The following ZPBP variants were observed in gnomAD, a reference collection of about 807,000 sequenced individuals.
ZPBP encodes zona pellucida-binding protein 1.
Under a neutral mutation model 44.8 loss-of-function variants are expected in ZPBP, and 26 were observed. The ratio of observed to expected loss-of-function variants is 0.58; its 90% CI spans 0.43 to 0.81. The LOEUF (loss-of-function observed/expected upper bound fraction) is 0.81. ZPBP is among the 30% of genes least tolerant of loss of function. ZPBP has a pLI of 0.00. For synonymous variants in ZPBP, 174 were observed against 153.2 expected (o/e 1.14, Z -1.00); for missense variants, 409 against 434.0 (o/e 0.94, Z 0.51).
chr7:49,847,351 A>G (rs1789981208), downstream of ZPBP, among the ~76,000 whole-genome samples: 1 of 152,026 alleles, frequency 6.6e-6, no homozygotes, highest in South Asian at 2.1e-4. Flanking sequence ...AATTGGCATA[A>G]TAGTGTTATC....
intron 1 of ZPBP, among the ~76,000 whole-genome samples, chr7:49,923,835 G>A (rs1006426591): frequency 2.6e-5 from 4 of 152,060 alleles, no homozygotes; most frequent in African/African-American, 4.8e-5. Context: ...TAAAGAATAG[G>A]GTTATAGGCC....
At chr7:49,872,090 GT>G (rs1791183758) in intron 2 of ZPBP, among the ~76,000 whole-genome samples, 1 of 151,804 alleles carries the variant, frequency 6.6e-6, no homozygotes, top group South Asian at 2.1e-4. Context: ...TTAAAGAACA[GT>G]ATACTATGAA....
chr7:50,038,473 G>A (rs1799919823), intron 4 of ZPBP, among the ~76,000 whole-genome samples: 1 of 152,152 alleles, frequency 6.6e-6, no homozygotes, highest in Non-Finnish European at 1.5e-5. Context: ...AATTTAACTG[G>A]ATCAGTAGAG....
intron 4 of ZPBP, among the ~76,000 whole-genome samples, chr7:50,036,936 A>G (rs1799854594): frequency 6.6e-6 from 1 of 152,030 alleles, no homozygotes; most frequent in Non-Finnish European, 1.5e-5. Flanking sequence ...AGTAAAATCC[A>G]TGATACATAA....
intron 1 of ZPBP, among the ~76,000 whole-genome samples, chr7:50,090,354 G>A (rs540471179): frequency 1.5e-4 from 23 of 151,646 alleles, no homozygotes; most frequent in East Asian, 5.8e-4. Context: ...ATAATGTTTG[G>A]TTTTGCATTC....
chr7:50,035,931 T>C (rs1302025078), intron 4 of ZPBP, among the ~76,000 whole-genome samples: 1 of 152,016 alleles, frequency 6.6e-6, no homozygotes, highest in East Asian at 1.9e-4. Flanking sequence ...TCTAATATAT[T>C]GGAGAATGAA....
chr7:49,963,222 G>A (rs1291200625), intron 7 of ZPBP, among the ~76,000 whole-genome samples: 3 of 151,400 alleles, frequency 2.0e-5, no homozygotes, highest in Non-Finnish European at 4.4e-5. Context: ...AAAATTTTAA[G>A]AGATGGACAA....
chr7:50,039,552 T>C (rs530119846), intron 4 of ZPBP, among the ~76,000 whole-genome samples: 35 of 152,284 alleles, frequency 2.3e-4, no homozygotes, highest in Non-Finnish European at 4.1e-4. Flanking sequence ...ATATATAACA[T>C]ATAAATTGGG....
At chr7:49,966,726 A>T (rs1042833294) in intron 7 of ZPBP, among the ~76,000 whole-genome samples, 2 of 152,186 alleles carry the variant, frequency 1.3e-5, no homozygotes, top group Non-Finnish European at 2.9e-5. Context: ...AGACACAAAC[A>T]ATCAAAACTT....
chr7:50,038,404 A>G (rs762049440), intron 4 of ZPBP, among the ~76,000 whole-genome samples: 1 of 152,268 alleles, frequency 6.6e-6, no homozygotes, highest in African/African-American at 2.4e-5. Flanking sequence ...GAGAAGCAAT[A>G]CTGGGATCAG....
At chr7:49,935,235 T>TATC (rs1412013502), downstream of ZPBP, among the ~76,000 whole-genome samples, 3 of 152,070 alleles carry the variant, frequency 2.0e-5, no homozygotes, top group Non-Finnish European at 4.4e-5. Context: ...AAGCTAGGAG[T>TATC]ATCCTAGTAT....
chr7:49,948,725 G>A (rs1321912250), intron 7 of ZPBP, among the ~76,000 whole-genome samples: 1 of 152,090 alleles, frequency 6.6e-6, no homozygotes, highest in East Asian at 1.9e-4. Context: ...AACTAGTGTT[G>A]GTGAGGACAT....
chr7:49,852,725 C>A (rs539625671), intron 2 of ZPBP, among the ~76,000 whole-genome samples: 2 of 152,240 alleles, frequency 1.3e-5, no homozygotes, highest in African/African-American at 2.4e-5. Flanking sequence ...TCAAAATCTG[C>A]GGGATTTAAG....
chr7:49,911,013 C>T (rs577424841), intron 1 of ZPBP, among the ~76,000 whole-genome samples: 2 of 152,314 alleles, frequency 1.3e-5, no homozygotes, highest in African/African-American at 4.8e-5. Context: ...TATGTCACTT[C>T]AAGCAGTTTG....
chr7:50,062,663 T>TA (rs1252993921), intron 3 of ZPBP, among the ~76,000 whole-genome samples: 2 of 152,046 alleles, frequency 1.3e-5, no homozygotes, highest in African/African-American at 4.8e-5. Context: ...CTACCATATA[T>TA]AAAAAATCAA....
At chr7:50,091,355 C>T (rs1366298891) in intron 1 of ZPBP, among the ~76,000 whole-genome samples, 2 of 152,044 alleles carry the variant, frequency 1.3e-5, no homozygotes, top group Non-Finnish European at 2.9e-5. Context: ...CATATTTGTC[C>T]TTGTTTTTGT....
the ZPBP span, among the ~76,000 whole-genome samples, chr7:49,840,752 G>A: frequency 2.0e-5 from 3 of 152,004 alleles, no homozygotes; most frequent in Admixed American, 2.0e-4. Flanking sequence ...TTGTGGATCC[G>A]GCATTCAAGA....
At chr7:49,863,918 GT>G (rs1157897866) in intron 2 of ZPBP, among the ~76,000 whole-genome samples, 2 of 151,998 alleles carry the variant, frequency 1.3e-5, no homozygotes, top group Admixed American at 1.3e-4. Flanking sequence ...TTTTAGCATA[GT>G]TTTTTCTGTA....
intron 4 of ZPBP, among the ~76,000 whole-genome samples, chr7:50,031,928 C>T (rs35967652): frequency 0.27 from 40,820 of 151,832 alleles, 6,098 homozygotes; most frequent in Non-Finnish European, 0.35. Flanking sequence ...ACTACAATAC[C>T]AAAAGTCAGA....
Sources: gnomAD v4.1 joint callset for allele counts (sites outside exome capture counted in the v4.1 genomes callset) on GRCh38, gnomAD v4.1.1 for gene constraint, MANE v1.5 for transcripts, NCBI Gene and HGNC (gene_info 2026-07-23, HGNC 2026-07-21) for gene names.